Variants in BAALC observed in about 807,000 individuals in gnomAD.
The protein encoded by BAALC is brain and acute leukemia cytoplasmic protein.
In BAALC, 9 loss-of-function variants were observed where a neutral mutation model predicts 15.5. That is an observed-to-expected ratio of 0.58 (90% CI 0.35 to 1.02). BAALC has a LOEUF of 1.02. Among genes scored for constraint, BAALC ranks in the 50% least tolerant of loss-of-function variants. The pLI is 0.02. For synonymous variants in BAALC, 80 were observed against 74.6 expected (o/e 1.07, Z -0.37); for missense variants, 201 against 192.4 (o/e 1.04, Z -0.27).
intron 1 of BAALC, chr8:103,191,270 T>C (rs1457540965): frequency 6.6e-6 from 1 of 152,002 alleles, no homozygotes; most frequent in African/African-American, 2.4e-5. Context: ...GGGGAACCAC[T>C]TCTTAGGCTG....
At chr8:103,208,993 T>A (rs1317877087) in intron 1 of BAALC, among the ~76,000 whole-genome samples, 1 of 152,116 alleles carries the variant, frequency 6.6e-6, no homozygotes, top group Non-Finnish European at 1.5e-5. Flanking sequence ...GCTGGCAGCA[T>A]CATGGTGCAT....
chr8:103,185,138 T>C (rs1811805285), intron 1 of BAALC, among the ~76,000 whole-genome samples: 1 of 151,986 alleles, frequency 6.6e-6, no homozygotes, highest in Non-Finnish European at 1.5e-5. Flanking sequence ...TTATAGCTGA[T>C]TGCCTCTATT....
chr8:103,194,912 G>A (rs139904974), intron 1 of BAALC, among the ~76,000 whole-genome samples: 6 of 152,248 alleles, frequency 3.9e-5, no homozygotes, highest in Non-Finnish European at 5.9e-5. Context: ...TGACTTAATC[G>A]CTTTCCCAAA....
intron 1 of BAALC, among the ~76,000 whole-genome samples, chr8:103,157,301 G>A (rs1381666935): frequency 6.6e-6 from 1 of 151,512 alleles, no homozygotes; most frequent in Non-Finnish European, 1.5e-5. Context: ...AACTTTATAC[G>A]CACATATTTC....
chr8:103,169,732 G>A (rs1014082281), intron 1 of BAALC, among the ~76,000 whole-genome samples: 2 of 152,304 alleles, frequency 1.3e-5, no homozygotes, highest in Non-Finnish European at 2.9e-5. Flanking sequence ...CAGCACAATA[G>A]CCCCGACCTC....
intron 1 of BAALC, among the ~76,000 whole-genome samples, chr8:103,194,194 C>T (rs892884150): frequency 2.0e-5 from 3 of 152,198 alleles, no homozygotes; most frequent in African/African-American, 7.2e-5. Context: ...CACCTAAAGC[C>T]TATTAAATAA....
intron 1 of BAALC, among the ~76,000 whole-genome samples, chr8:103,182,098 A>G (rs1811741588): frequency 6.6e-6 from 1 of 152,060 alleles, no homozygotes; most frequent in Admixed American, 6.6e-5. Flanking sequence ...TATCTTCCTC[A>G]TTCTGCCTCC....
chr8:103,221,649 A>G (rs1166081289), intron 2 of BAALC, among the ~76,000 whole-genome samples: 1 of 152,184 alleles, frequency 6.6e-6, no homozygotes, highest in Non-Finnish European at 1.5e-5. Flanking sequence ...TTGTGTTTAT[A>G]TTGCTCTTCT....
At chr8:103,177,976 G>C (rs186502014) in intron 1 of BAALC, among the ~76,000 whole-genome samples, 1 of 152,302 alleles carries the variant, frequency 6.6e-6, no homozygotes, top group Non-Finnish European at 1.5e-5. Context: ...CAAGATCACT[G>C]TGTGTTCCTA....
intron 1 of BAALC, among the ~76,000 whole-genome samples, chr8:103,147,159 T>C (rs1810895390): frequency 1.3e-5 from 2 of 152,242 alleles, no homozygotes; most frequent in South Asian, 2.1e-4. Flanking sequence ...TCATCTTAGA[T>C]GCTTTTGTCT....
chr8:103,142,001 C>G (rs1290742901), intron 1 of BAALC, among the ~76,000 whole-genome samples: 2 of 152,206 alleles, frequency 1.3e-5, no homozygotes, highest in Non-Finnish European at 2.9e-5. Context: ...AATCTCACTA[C>G]TTATTACATG....
intron 1 of BAALC, among the ~76,000 whole-genome samples, chr8:103,160,760 T>C (rs776246392): frequency 2.6e-5 from 4 of 152,152 alleles, no homozygotes; most frequent in Admixed American, 1.3e-4. Context: ...ATTTGGAGTC[T>C]GATGTTTGAC....
intron 1 of BAALC, among the ~76,000 whole-genome samples, chr8:103,164,316 CTATT>C (rs1811295260): frequency 6.6e-6 from 1 of 152,130 alleles, no homozygotes; most frequent in Non-Finnish European, 1.5e-5. Flanking sequence ...AGGAGGTAGA[CTATT>C]TAGGACCTTG....
chr8:103,185,240 T>C (rs1231335520), intron 1 of BAALC, among the ~76,000 whole-genome samples: 3 of 152,042 alleles, frequency 2.0e-5, no homozygotes, highest in Non-Finnish European at 2.9e-5. Context: ...ATTCCTGTCT[T>C]ATAACCATTC....
At chr8:103,179,610 G>A (rs1000742226) in intron 1 of BAALC, among the ~76,000 whole-genome samples, 1 of 152,230 alleles carries the variant, frequency 6.6e-6, no homozygotes, top group African/African-American at 2.4e-5. Context: ...AAGTCACATA[G>A]CTAGTTCATG....
intron 1 of BAALC, among the ~76,000 whole-genome samples, chr8:103,173,181 A>C (rs1367545713): frequency 1.3e-5 from 2 of 152,180 alleles, no homozygotes; most frequent in African/African-American, 2.4e-5. Flanking sequence ...TTAGCCATCC[A>C]CGGCACTTAC....
chr8:103,144,204 C>T (rs1270403332), intron 1 of BAALC, among the ~76,000 whole-genome samples: 1 of 152,210 alleles, frequency 6.6e-6, no homozygotes, highest in African/African-American at 2.4e-5. Context: ...AATTTCACTG[C>T]AGGGAGGGGG....
intron 1 of BAALC, chr8:103,198,193 G>C (rs1215059840): frequency 1.4e-6 from 1 of 697,310 alleles, no homozygotes; most frequent in East Asian, 2.7e-5. Flanking sequence ...TTGTAAAATA[G>C]GCATTGCAAT....
At chr8:103,197,757 T>G (rs1234863438) in intron 1 of BAALC, among the ~76,000 whole-genome samples, 1 of 151,938 alleles carries the variant, frequency 6.6e-6, no homozygotes. Context: ...GAAAGAGTGG[T>G]GGGGGAGGTG....
Sources: gnomAD v4.1 joint callset for allele counts (sites outside exome capture counted in the v4.1 genomes callset) on GRCh38, gnomAD v4.1.1 for gene constraint, MANE v1.5 for transcripts, NCBI Gene and HGNC (gene_info 2026-07-23, HGNC 2026-07-21) for gene names.